Variants in UBR1 observed in about 807,000 individuals in gnomAD.
The protein encoded by UBR1 is ubiquitin protein ligase E3 component n-recognin 1, also known as E3 ubiquitin-protein ligase UBR1.
Under a neutral mutation model 242.1 loss-of-function variants are expected in UBR1, and 102 were observed. That is an observed-to-expected ratio of 0.42 (90% CI 0.36 to 0.50). The LOEUF is 0.50. UBR1 is among the 20% of genes least tolerant of loss of function. The probability of loss-of-function intolerance (pLI) is 0.01; values close to 1 mark genes in which losing one functional copy is unlikely to be tolerated. For missense variants in UBR1, 1,772 were observed against 2,101.8 expected (o/e 0.84, Z 3.07); for synonymous variants, 675 against 684.8 (o/e 0.99, Z 0.22).
In UBR1 at chr15:43,002,615, C is replaced by T; in HGVS notation, c.3599G>A (p.Cys1200Tyr). Residue 1200 changes from cysteine (C) to tyrosine (Y), a missense_variant, in exon 32 of 47, where the codon TGC becomes TAC. Physicochemically the swap from Cys to Tyr is radical, Grantham distance 194. This residue lies in a region of UBR1 where 965 missense variants were observed against 1,079.7 expected (regional missense o/e 0.89). Transcript: ENST00000290650. ...GATCACAGTATTGCACAGAGATTTGCAAAGAGGGCAAAGATATTCTCCACT... is the reference window on the plus strand; with the variant it reads ...GATCACAGTATTGCACAGAGATTTGTAAAGAGGGCAAAGATATTCTCCACT... ...LESGEYLCPL[C>Y]KSLCNTVIPI... The T allele has an allele frequency of 6.2e-7, 1 of 1,614,120 alleles. No homozygotes were observed. Among genetic ancestry groups the T allele is most frequent in the Non-Finnish European group, 8.5e-7 (1 of 1,180,016 alleles).
In UBR1 at chr15:43,043,313, G is replaced by C. The variant is rs753867982; in HGVS notation, c.1751C>G (p.Thr584Arg). 6.2e-7 allele frequency: 1 copy of C among 1,613,986 alleles called. No individual in the cohort carries two copies. The highest frequency in any genetic ancestry group is 8.5e-7 in the Non-Finnish European group (1 of 1,179,994). Residue 584 changes from threonine to arginine, a missense_variant, in exon 15 of 47, where the codon ACA (threonine) becomes AGA (arginine). Thr to Arg is a moderately conservative substitution (Grantham distance 71, BLOSUM62 -1). Transcript: ENST00000290650. ...CSTSFISSSKTVVQSCGHSLE... is the reference protein window; with the variant it reads ...CSTSFISSSKRVVQSCGHSLE... ...ACTATGTCCACACGATTGTACTACTGTCTTGCTACTAGATATGAAACTGGT... is the reference window on the plus strand; with the variant it reads ...ACTATGTCCACACGATTGTACTACTCTCTTGCTACTAGATATGAAACTGGT...
Position 43,084,047 on chromosome 15 carries a change from AAAAC to A in UBR1, c.339-1335_339-1332del, listed in dbSNP as rs1003162568. 1.1e-4 allele frequency among the ~76,000 whole-genome samples: 16 copies of A among 152,294 alleles called. No homozygotes were observed. The South Asian group carries it at 1.2e-3, about 12-fold the overall frequency. On this transcript the variant is annotated intron_variant, in intron 2 of 46. Coordinates refer to ENST00000290650, the MANE Select transcript of UBR1 (RefSeq NM_174916.3). ...GCAATAAGAGCGAAACTCTGTCTCA[AAAAC>A]AAACAAACAAACAAAAAACAACAAC...
intron 43 of UBR1, among the ~76,000 whole-genome samples, chr15:42,958,984 C>A (rs1816570919): frequency 6.6e-6 from 1 of 152,120 alleles, no homozygotes; most frequent in South Asian, 2.1e-4. Context: ...GCGCCTGCCA[C>A]CATGCCCAGC....
At chr15:43,003,776 G>C in intron 31 of UBR1, 61 bp downstream of exon 31, 1 of 1,492,712 alleles carries the variant, frequency 6.7e-7, no homozygotes, top group Non-Finnish European at 9.3e-7. Context: ...CCTTTTTGTG[G>C]CCTTGAGTGA....
chr15:43,090,245 T>C (rs2034091330), intron 1 of UBR1, among the ~76,000 whole-genome samples: 1 of 152,140 alleles, frequency 6.6e-6, no homozygotes, highest in South Asian at 2.1e-4. Context: ...AAAATCTCAA[T>C]TTGGTTAAAT....
At chr15:42,982,855 C>T (rs1326923051) in intron 37 of UBR1, among the ~76,000 whole-genome samples, 1 of 152,150 alleles carries the variant, frequency 6.6e-6, no homozygotes, top group Non-Finnish European at 1.5e-5. Flanking sequence ...TGAAACTACC[C>T]TACTCGTGAC....
intron 1 of UBR1, among the ~76,000 whole-genome samples, chr15:43,090,497 G>A (rs2141364563): frequency 6.6e-6 from 1 of 151,906 alleles, no homozygotes; most frequent in South Asian, 2.1e-4. Flanking sequence ...CAACTTTTCT[G>A]GGGTACTCAT....
intron 44 of UBR1, 75 bp from the exon 45 acceptor site, chr15:42,952,523 G>C (rs2031851973): frequency 1.0e-5 from 16 of 1,532,850 alleles, no homozygotes; most frequent in Admixed American, 1.7e-5. Context: ...TATCCTGTTA[G>C]CAATCAAGCA....
At chr15:43,012,852 G>C (rs1431693320) in intron 29 of UBR1, among the ~76,000 whole-genome samples, 3 of 152,306 alleles carry the variant, frequency 2.0e-5, no homozygotes, top group South Asian at 4.1e-4. Context: ...ATACATATCA[G>C]ATAGGATGTA....
intron 1 of UBR1, 53 bp downstream of exon 1, chr15:43,105,889 C>G (rs2034290807): frequency 6.4e-7 from 1 of 1,556,178 alleles, no homozygotes; most frequent in Non-Finnish European, 8.9e-7. Context: ...CTCCTAAGCG[C>G]AGTAGGGAGG....
At chr15:43,084,900 C>A (rs1004482563) in intron 2 of UBR1, among the ~76,000 whole-genome samples, 1 of 152,232 alleles carries the variant, frequency 6.6e-6, no homozygotes, top group African/African-American at 2.4e-5. Context: ...AAACTTTACA[C>A]TCCTAACCTA....
intron 5 of UBR1, among the ~76,000 whole-genome samples, chr15:43,069,419 G>C (rs1001107831): frequency 1.3e-5 from 2 of 151,988 alleles, no homozygotes; most frequent in African/African-American, 2.4e-5. Flanking sequence ...TGGGACCACG[G>C]GGGCCCGCCA....
intron 15 of UBR1, among the ~76,000 whole-genome samples, chr15:43,042,979 T>C (rs2033438520): frequency 6.6e-6 from 1 of 152,138 alleles, no homozygotes. Flanking sequence ...CTTAAGTATA[T>C]ACTCTAAGGA....
At position 42,976,856 on chromosome 15, in the gene UBR1, C is replaced by T; in HGVS notation, c.4230G>A (p.Val1410=). Residue 1410 remains valine, a synonymous_variant, in exon 39 of 47, where the codon GTG becomes GTA. Coordinates refer to ENST00000290650, the MANE Select transcript of UBR1 (RefSeq NM_174916.3). The part of the protein sequence containing the change: ...IDLFHVLVGA[V]LAFPSLYWDD... ...CCCAATACAAGGATGGGAATGCTAA[C>T]ACAGCACCCACCTATGAGAGAAAAA... The T allele has an allele frequency of 1.2e-6, 2 of 1,613,662 alleles. No homozygotes were observed. Among genetic ancestry groups the T allele is most frequent in the Non-Finnish European group, 1.7e-6 (2 of 1,179,756 alleles).
intron 2 of UBR1, among the ~76,000 whole-genome samples, chr15:43,085,721 TA>T (rs1344550697): frequency 1.4e-5 from 2 of 148,056 alleles, no homozygotes; most frequent in Admixed American, 1.4e-4. Flanking sequence ...TTGTCTCTAC[TA>T]AAAATATGAA....
At chr15:43,001,810 T>C (rs1311250537) in intron 32 of UBR1, among the ~76,000 whole-genome samples, 1 of 152,194 alleles carries the variant, frequency 6.6e-6, no homozygotes, top group Non-Finnish European at 1.5e-5. Flanking sequence ...TTAATTTTTT[T>C]AGTTAACATT....
At chr15:43,000,459 T>C (rs1157495868) in intron 32 of UBR1, among the ~76,000 whole-genome samples, 1 of 152,232 alleles carries the variant, frequency 6.6e-6, no homozygotes, top group African/African-American at 2.4e-5. Flanking sequence ...GGGGAGCCAC[T>C]GTGTAAAAAA....
chr15:43,015,540 A>G (rs945520729), intron 29 of UBR1, 148 bp downstream of exon 29: 68 of 884,044 alleles, frequency 7.7e-5, no homozygotes, highest in South Asian at 3.0e-4. Context: ...AGGAAAACCA[A>G]AGACCTTTGT....
chr15:43,065,066 T>C (rs1056582259), intron 6 of UBR1, among the ~76,000 whole-genome samples: 3 of 152,232 alleles, frequency 2.0e-5, no homozygotes, highest in Admixed American at 1.3e-4. Flanking sequence ...AAGTAGATTT[T>C]ACTTTGTACA....
Sources: gnomAD v4.1 joint callset for allele counts (sites outside exome capture counted in the v4.1 genomes callset) on GRCh38, gnomAD v4.1.1 for gene constraint, gnomAD v4.1.1 regional missense constraint, MANE v1.5 for transcripts, NCBI Gene and HGNC (gene_info 2026-07-23, HGNC 2026-07-21) for gene names.